ARHGAP15: variants seen among roughly 807,000 people sequenced by gnomAD.
ARHGAP15 encodes rho GTPase-activating protein 15.
ARHGAP15 carries 51 observed loss-of-function variants against 63.7 expected under a neutral mutation model. The observed-to-expected ratio is 0.80, with a 90% CI of 0.64 to 1.01. The LOEUF is 1.01. Among genes scored for constraint, ARHGAP15 ranks in the 50% least tolerant of loss-of-function variants. ARHGAP15 has a pLI of 0.00. For synonymous variants in ARHGAP15, 191 were observed against 193.8 expected (o/e 0.99, Z 0.12); for missense variants, 560 against 564.6 (o/e 0.99, Z 0.08).
chr2:143,663,187 G>A (rs1681927508), intron 12 of ARHGAP15, among the ~76,000 whole-genome samples: 1 of 131,776 alleles, frequency 7.6e-6, no homozygotes. Context: ...TACCCTCAAA[G>A]GGAAGCCCAT....
intron 11 of ARHGAP15, among the ~76,000 whole-genome samples, chr2:143,584,227 T>C (rs538650368): frequency 1.3e-5 from 2 of 152,304 alleles, no homozygotes; most frequent in East Asian, 3.9e-4. Context: ...TCAAGGTATC[T>C]AGACATTCAC....
At chr2:143,463,868 T>C (rs1206662580) in intron 8 of ARHGAP15, among the ~76,000 whole-genome samples, 1 of 152,184 alleles carries the variant, frequency 6.6e-6, no homozygotes, top group Non-Finnish European at 1.5e-5. Flanking sequence ...GTTGACATAT[T>C]AAAAAGCCAT....
chr2:143,440,643 A>G (rs1553481262), intron 8 of ARHGAP15, among the ~76,000 whole-genome samples: 1 of 152,236 alleles, frequency 6.6e-6, no homozygotes, highest in Non-Finnish European at 1.5e-5. Context: ...TTATGTTTAC[A>G]TATACTTTTC....
intron 5 of ARHGAP15, among the ~76,000 whole-genome samples, chr2:143,233,098 T>C (rs1377122384): frequency 2.0e-5 from 3 of 152,202 alleles, no homozygotes; most frequent in Non-Finnish European, 4.4e-5. Flanking sequence ...TACCATCTGG[T>C]GTTTTAATTT....
intron 11 of ARHGAP15, among the ~76,000 whole-genome samples, chr2:143,609,672 A>G (rs1698178412): frequency 6.6e-6 from 1 of 152,064 alleles, no homozygotes; most frequent in South Asian, 2.1e-4. Context: ...TGTGTTTGTA[A>G]TCTTCTCTTT....
intron 13 of ARHGAP15, among the ~76,000 whole-genome samples, 156 bp from the exon 14 acceptor site, chr2:143,767,833 C>T (rs2072972008): frequency 6.6e-6 from 1 of 152,132 alleles, no homozygotes; most frequent in Admixed American, 6.6e-5. Context: ...CTCATAGGTT[C>T]TACTTCCATA....
intron 12 of ARHGAP15, among the ~76,000 whole-genome samples, chr2:143,666,882 A>G (rs1180308839): frequency 6.8e-6 from 1 of 146,204 alleles, no homozygotes; most frequent in East Asian, 2.0e-4. Context: ...ACCATCTCAC[A>G]CCAGTTAGAA....
rs748925321 is a variant in ARHGAP15 at position 143,768,090 on chromosome 2, C to T, written c.1346C>T (p.Ala449Val). 24 of 1,613,626 alleles carry T rather than the reference C, an allele frequency of 1.5e-5. No homozygotes were observed. In the African/African-American group the frequency reaches 1.9e-4, roughly 13 times the overall value. ...GCTGAAAATGAAACAGGAAACATGG[C>T]GATCCACATGGTCTACCAGAACCAG... is the stretch of plus-strand genomic sequence containing the variant. The part of the protein sequence containing the change: ...LRAENETGNM[A>V]IHMVYQNQIA... Residue 449 changes from alanine to valine, a missense_variant, in exon 14 of 14, where the codon GCG becomes GTG. Ala to Val is a moderately conservative substitution (Grantham distance 64, BLOSUM62 0). Transcript: ENST00000295095.
Position 143,216,513 on chromosome 2 carries a change from T to G in ARHGAP15, c.296+68T>G, listed in dbSNP as rs151260251. The G allele has an allele frequency of 5.5e-3, 6,580 of 1,199,278 alleles. 45 individuals are homozygous for G. Among genetic ancestry groups the G allele is most frequent in the Admixed American group, 0.021 (1,067 of 52,000 alleles). The allele number at this position is 1,199,278 out of a possible 1,614,324, so 74.3% of individuals were successfully genotyped here. On this transcript the variant is annotated intron_variant, in intron 4 of 13. Transcript: ENST00000295095. ...TCTTCATATGCTAAACTTGTGCCAC[T>G]GTTATTGTTTGGGATGCAAGTCCCT... is the stretch of plus-strand genomic sequence containing the variant.
intron 13 of ARHGAP15, among the ~76,000 whole-genome samples, chr2:143,764,961 C>G (rs1184567287): frequency 6.6e-6 from 1 of 152,120 alleles, no homozygotes; most frequent in South Asian, 2.1e-4. Flanking sequence ...TCTCCATGGC[C>G]CATGACCTCT....
intron 2 of ARHGAP15, among the ~76,000 whole-genome samples, chr2:143,178,328 A>T (rs1691088791): frequency 6.6e-6 from 1 of 152,232 alleles, no homozygotes; most frequent in African/African-American, 2.4e-5. Flanking sequence ...ATTCAATTTT[A>T]GGCATTCATG....
chr2:143,502,598 A>G (rs569209744), intron 9 of ARHGAP15, among the ~76,000 whole-genome samples: 19 of 151,796 alleles, frequency 1.3e-4, no homozygotes, highest in East Asian at 9.8e-4. Context: ...TTTTGTTTTG[A>G]GATGGAGTTT....
intron 6 of ARHGAP15, among the ~76,000 whole-genome samples, chr2:143,366,371 T>G (rs1686293137): frequency 6.6e-6 from 1 of 152,150 alleles, no homozygotes; most frequent in Non-Finnish European, 1.5e-5. Context: ...TATGGACAGC[T>G]AGATATTACA....
intron 2 of ARHGAP15, among the ~76,000 whole-genome samples, chr2:143,182,313 A>G (rs1691270612): frequency 6.6e-6 from 1 of 152,156 alleles, no homozygotes; most frequent in African/African-American, 2.4e-5. Context: ...GCCTAATTTT[A>G]ATACTGTGGT....
intron 12 of ARHGAP15, among the ~76,000 whole-genome samples, chr2:143,692,014 A>G (rs1683623654): frequency 6.6e-6 from 1 of 152,244 alleles, no homozygotes; most frequent in South Asian, 2.1e-4. Flanking sequence ...AAAAGAGGAT[A>G]TCTGTTGTTA....
At chr2:143,167,325 G>A (rs1468808029) in intron 2 of ARHGAP15, among the ~76,000 whole-genome samples, 1 of 151,902 alleles carries the variant, frequency 6.6e-6, no homozygotes, top group African/African-American at 2.4e-5. Context: ...GTACTTGCTG[G>A]CCATTTTACT....
At chr2:143,599,004 C>T (rs910452542) in intron 11 of ARHGAP15, among the ~76,000 whole-genome samples, 1 of 151,200 alleles carries the variant, frequency 6.6e-6, no homozygotes, top group Non-Finnish European at 1.5e-5. Context: ...CTGTGGGAGA[C>T]AAAAACTCTG....
Position 143,487,408 on chromosome 2 carries a change from G to A in ARHGAP15, c.739G>A (p.Asp247Asn), listed in dbSNP as rs761368972. 8.7e-5 allele frequency: 140 copies of A among 1,613,364 alleles called. 1 individual carries two copies. Among genetic ancestry groups the A allele is most frequent in the African/African-American group, 3.2e-4 (24 of 74,836 alleles). ...RLHHSASDTS[D>N]KNRVKSRLKK... ...GCATCACAGTGCTTCCGATACAAGC[G>A]ACAAAAATCGAGTTAAAAGCAGATT... Residue 247 changes from aspartate to asparagine, a missense_variant, in exon 9 of 14, where the codon GAC (aspartate) becomes AAC (asparagine). Coordinates refer to ENST00000295095, the MANE Select transcript of ARHGAP15 (RefSeq NM_018460.4).
Position 143,392,866 on chromosome 2 carries a change from CT to C in ARHGAP15, c.475-42728del, listed in dbSNP as rs533400094. Among the ~76,000 whole-genome samples, 1,219 of 152,108 alleles carry C rather than the reference CT, an allele frequency of 8.0e-3. 16 individuals carry two copies. The highest frequency in any genetic ancestry group is 0.028 in the African/African-American group (1,166 of 41,486). On this transcript the variant is annotated intron_variant, in intron 6 of 13. Transcript: ENST00000295095. ...TGGAGAATTGTTCAGTAATTAGAAA[CT>C]TTTTTTCAAACTAACTCATTGTAGA...
Sources: gnomAD v4.1 joint callset for allele counts (sites outside exome capture counted in the v4.1 genomes callset) on GRCh38, gnomAD v4.1.1 for gene constraint, MANE v1.5 for transcripts, NCBI Gene and HGNC (gene_info 2026-07-23, HGNC 2026-07-21) for gene names.